The following DIAPH3 variants were observed in gnomAD, a reference collection of about 807,000 sequenced individuals.
DIAPH3 encodes protein diaphanous homolog 3.
A neutral mutation model predicts 144.3 loss-of-function variants in DIAPH3; 117 were observed. The observed-to-expected ratio is 0.81, with a 90% CI of 0.70 to 0.95. DIAPH3 has a LOEUF of 0.95. Ranked by LOEUF, DIAPH3 falls within the 40% of genes least tolerant of loss-of-function variation. DIAPH3 has a pLI of 0.00. For synonymous variants in DIAPH3, 519 were observed against 488.9 expected, an observed-to-expected ratio of 1.06 and a Z score of -0.81; for missense variants, 1,421 against 1,412.7, an observed-to-expected ratio of 1.01 and a Z score of -0.09.
intron 27 of DIAPH3, among the ~76,000 whole-genome samples, chr13:59,695,052 T>G (rs1477357444): frequency 1.3e-5 from 2 of 152,224 alleles, no homozygotes; most frequent in Non-Finnish European, 2.9e-5. Flanking sequence ...ATGAATATAC[T>G]AATCATCTTT....
At chr13:59,951,176 C>A (rs2049078621) in intron 17 of DIAPH3, among the ~76,000 whole-genome samples, 1 of 152,066 alleles carries the variant, frequency 6.6e-6, no homozygotes, top group African/African-American at 2.4e-5. Context: ...GGTTGGGACC[C>A]AGTGGGAGGT....
At chr13:60,059,696 G>C (rs144319889) in intron 4 of DIAPH3, among the ~76,000 whole-genome samples, 2 of 151,868 alleles carry the variant, frequency 1.3e-5, no homozygotes, top group African/African-American at 4.8e-5. Context: ...AAGTTGGGGG[G>C]TGGGGGAGCT....
At chr13:59,749,740 C>A (rs912500675) in intron 27 of DIAPH3, among the ~76,000 whole-genome samples, 1 of 151,708 alleles carries the variant, frequency 6.6e-6, no homozygotes, top group Non-Finnish European at 1.5e-5. Flanking sequence ...GAAAAAACAA[C>A]AGGTCTTAGA....
At chr13:60,096,683 A>G (rs777241844) in intron 3 of DIAPH3, among the ~76,000 whole-genome samples, 3 of 152,178 alleles carry the variant, frequency 2.0e-5, no homozygotes, top group Non-Finnish European at 4.4e-5. Flanking sequence ...AAGAAAGGCT[A>G]AGTCTCCCTC....
At position 60,018,956 on chromosome 13, in the gene DIAPH3, A is replaced by G. The variant is rs140833348; in HGVS notation, c.627-2811T>C. On this transcript the variant is annotated intron_variant, in intron 5 of 27. Transcript: ENST00000400324. ...CTCCCTGTTTTCTTAAAAATTTGCA[A>G]ACTCAACATACTGTTGTATTAACAG... 6.4e-4 allele frequency among the ~76,000 whole-genome samples: 97 copies of G among 152,274 alleles called. 2 individuals carry two copies. In the East Asian group the frequency reaches 0.018, roughly 28 times the overall value.
intron 17 of DIAPH3, among the ~76,000 whole-genome samples, chr13:59,943,134 C>T (rs906107183): frequency 6.6e-6 from 1 of 152,122 alleles, no homozygotes; most frequent in Non-Finnish European, 1.5e-5. Flanking sequence ...CCTCTTCTAT[C>T]GAGTCTGAAC....
intron 5 of DIAPH3, among the ~76,000 whole-genome samples, chr13:60,023,247 AT>A (rs1448335741): frequency 6.6e-6 from 1 of 151,998 alleles, no homozygotes; most frequent in Non-Finnish European, 1.5e-5. Context: ...TCTATTTCAT[AT>A]TGGGTGTGTT....
chr13:60,047,143 A>G (rs2056110022), intron 4 of DIAPH3, among the ~76,000 whole-genome samples: 3 of 152,170 alleles, frequency 2.0e-5, no homozygotes, highest in African/African-American at 4.8e-5. Flanking sequence ...AAGAAAAAGG[A>G]AATACCTATA....
chr13:59,845,131 C>T (rs750183067), intron 22 of DIAPH3, among the ~76,000 whole-genome samples: 19 of 150,428 alleles, frequency 1.3e-4, no homozygotes, highest in African/African-American at 2.0e-4. Context: ...CTGCAAACTC[C>T]GCCTCCTGGG....
At position 60,016,493 on chromosome 13, in the gene DIAPH3, C is replaced by T. The variant is rs149006120; in HGVS notation, c.627-348G>A. On this transcript the variant is annotated intron_variant, in intron 5 of 27. Coordinates refer to ENST00000400324, the MANE Select transcript of DIAPH3 (RefSeq NM_001042517.2). ...AACCAATCAGAGCCTCCCCCACCCA[C>T]GCACCCAGAGCTGGCTCTAAACATT... Among the ~76,000 whole-genome samples the T allele has an allele frequency of 4.1e-4, 62 of 152,288 alleles. No homozygotes were observed. In the Middle Eastern group the frequency reaches 0.024, roughly 58 times the overall value.
intron 27 of DIAPH3, among the ~76,000 whole-genome samples, chr13:59,695,098 A>G (rs1480806094): frequency 6.6e-6 from 1 of 152,192 alleles, no homozygotes; most frequent in Non-Finnish European, 1.5e-5. Flanking sequence ...TCTAGTGCAT[A>G]TATTTTGTAG....
intron 20 of DIAPH3, among the ~76,000 whole-genome samples, chr13:59,898,615 C>CAT (rs2046260928): frequency 6.6e-6 from 1 of 151,848 alleles, no homozygotes; most frequent in Non-Finnish European, 1.5e-5. Flanking sequence ...TGTATAATAC[C>CAT]ATATATTGTT....
chr13:59,869,615 G>A (rs750797874), intron 21 of DIAPH3, among the ~76,000 whole-genome samples: 25 of 152,126 alleles, frequency 1.6e-4, no homozygotes, highest in African/African-American at 4.3e-4. Context: ...TTTCCAGTAC[G>A]GAAAGGCCAT....
In DIAPH3 at chr13:59,878,732, A is replaced by G. The variant is rs1566455387; in HGVS notation, c.2607+497T>C. 3.9e-5 allele frequency among the ~76,000 whole-genome samples: 6 copies of G among 152,250 alleles called. No homozygotes were observed. In the South Asian group the frequency reaches 1.2e-3, roughly 32 times the overall value. ...TTTAGATAGAAACACTTCAAAATCAATAATATCCGAGTTGCATATATTTCC... is the reference window on the plus strand; with the variant it reads ...TTTAGATAGAAACACTTCAAAATCAGTAATATCCGAGTTGCATATATTTCC... On this transcript the variant is annotated intron_variant, in intron 21 of 27. Transcript: ENST00000400324.
rs2033922546 is a variant in DIAPH3 at position 59,698,207 on chromosome 13, TC to T, written c.3320-31362del. ...ATACATTTCATGCTTTTGTCATTTT[TC>T]CCTCAACAAGTCATGTTGACATTTA... On this transcript the variant is annotated intron_variant, in intron 27 of 27. Coordinates refer to ENST00000400324, the MANE Select transcript of DIAPH3 (RefSeq NM_001042517.2). Among the ~76,000 whole-genome samples the T allele has an allele frequency of 2.6e-5, 4 of 152,200 alleles. No individual in the cohort carries two copies. The South Asian group carries it at 8.3e-4, about 32-fold the overall frequency.
At chr13:59,704,980 T>C (rs556629243) in intron 27 of DIAPH3, among the ~76,000 whole-genome samples, 31 of 152,322 alleles carry the variant, frequency 2.0e-4, no homozygotes, top group Admixed American at 5.2e-4. Flanking sequence ...ATTAGTTCCA[T>C]AGCCATTACA....
chr13:59,783,770 G>A (rs1445768961), intron 25 of DIAPH3, among the ~76,000 whole-genome samples: 1 of 152,116 alleles, frequency 6.6e-6, no homozygotes, highest in Non-Finnish European at 1.5e-5. Context: ...GATAAATCAC[G>A]TACAATGCTC....
intron 25 of DIAPH3, among the ~76,000 whole-genome samples, chr13:59,806,573 C>G (rs2040203138): frequency 6.6e-6 from 1 of 151,930 alleles, no homozygotes; most frequent in South Asian, 2.1e-4. Flanking sequence ...CAGTCTCCAT[C>G]TCATTATCCT....
Position 59,943,777 on chromosome 13 carries a change from C to G in DIAPH3, c.2075-18907G>C, listed in dbSNP as rs913351080. Among the ~76,000 whole-genome samples the G allele has an allele frequency of 3.3e-5, 5 of 152,242 alleles. No homozygotes were observed. In the East Asian group the frequency reaches 5.8e-4, roughly 18 times the overall value. On this transcript the variant is annotated intron_variant, in intron 17 of 27. Transcript: ENST00000400324. ...AAGCAAATTCTGATATTTATTCTATCAGAAGCCCAGTAAAAGTTTATTAAA... is the reference window on the plus strand; with the variant it reads ...AAGCAAATTCTGATATTTATTCTATGAGAAGCCCAGTAAAAGTTTATTAAA...
Sources: allele counts gnomAD v4.1 joint callset (sites outside exome capture counted in the v4.1 genomes callset), GRCh38; gene constraint gnomAD v4.1.1; transcripts MANE v1.5; gene names NCBI Gene and HGNC (gene_info 2026-07-23, HGNC 2026-07-21).